FAT4: variants seen among roughly 807,000 people sequenced by gnomAD.
FAT4 encodes FAT atypical cadherin 4, also known as protocadherin Fat 4.
In FAT4, 84 loss-of-function variants were observed where a neutral mutation model predicts 303.9. That is an observed-to-expected ratio of 0.28 (90% CI 0.23 to 0.33). The LOEUF (loss-of-function observed/expected upper bound fraction) is 0.33. Ranked by LOEUF, FAT4 falls within the 10% of genes least tolerant of loss-of-function variation. FAT4 has a pLI of 1.00. For synonymous variants in FAT4, 2,307 were observed against 2,298.8 expected (o/e 1.00, Z -0.10); for missense variants, 6,005 against 6,146.8 (o/e 0.98, Z 0.77).
At chr4:125,371,688 G>T (rs1733119252) in intron 2 of FAT4, among the ~76,000 whole-genome samples, 1 of 151,096 alleles carries the variant, frequency 6.6e-6, no homozygotes, top group African/African-American at 2.4e-5. Context: ...TGTGGGGAGA[G>T]ATTGAATATC....
chr4:125,367,865 T>G lies in FAT4; in HGVS notation c.5176-30919T>G, dbSNP rs143946565. The stretch of plus-strand genomic sequence containing the variant: ...TTTTGCCAACTAACTTACCATAGTT[T>G]TAATCAGGGAAAATGGTGAGTTCAT... On this transcript the variant is annotated intron_variant, in intron 2 of 17. Coordinates refer to ENST00000394329, the MANE Select transcript of FAT4 (RefSeq NM_001291303.3). 1.6e-3 allele frequency among the ~76,000 whole-genome samples: 236 copies of G among 152,240 alleles called. 1 individual carries two copies. Among genetic ancestry groups the G allele is most frequent in the African/African-American group, 5.2e-3 (216 of 41,546 alleles).
chr4:125,396,951 TATATATATATATATA>T (rs1734206276), intron 2 of FAT4, among the ~76,000 whole-genome samples: 2 of 107,620 alleles, frequency 1.9e-5, no homozygotes, highest in Non-Finnish European at 2.1e-5. Flanking sequence ...TATATATATA[TATATATATATATATA>T]AAATATGTAT....
chr4:125,432,265 G>C (rs1725308405), intron 7 of FAT4, among the ~76,000 whole-genome samples: 1 of 152,054 alleles, frequency 6.6e-6, no homozygotes, highest in South Asian at 2.1e-4. Context: ...GCTTTACATG[G>C]GTCACATCTC....
intron 17 of FAT4, among the ~76,000 whole-genome samples, chr4:125,488,807 A>G (rs758888499): frequency 7.2e-5 from 11 of 152,194 alleles, no homozygotes; most frequent in Non-Finnish European, 1.2e-4. Flanking sequence ...AGGTAACTGA[A>G]GTACTGGACA....
At chr4:125,424,777 A>G (rs1560814484) in intron 7 of FAT4, among the ~76,000 whole-genome samples, 1 of 152,196 alleles carries the variant, frequency 6.6e-6, no homozygotes, top group Non-Finnish European at 1.5e-5. Context: ...GTGTTATGAA[A>G]CATGATGCGG....
At chr4:125,369,304 G>T (rs1013973810) in intron 2 of FAT4, among the ~76,000 whole-genome samples, 5 of 152,006 alleles carry the variant, frequency 3.3e-5, no homozygotes, top group Non-Finnish European at 7.4e-5. Context: ...GTAATGGCGC[G>T]TGCATTAATA....
In FAT4 at chr4:125,316,960, G is replaced by T. The variant is rs1730631557; in HGVS notation, c.549G>T (p.Gly183=). 1 of 1,613,940 alleles carries T rather than the reference G, an allele frequency of 6.2e-7. No homozygotes were observed. The highest frequency in any genetic ancestry group is 1.3e-5 in the African/African-American group (1 of 75,076). Residue 183 remains glycine, a synonymous_variant, in exon 2 of 18, where the codon GGG becomes GGT. Coordinates refer to ENST00000394329, the MANE Select transcript of FAT4 (RefSeq NM_001291303.3). The surrounding 1 kb of genome is among the most constrained non-coding windows in gnomAD (Gnocchi z 5.7). Reference sequence around the variant, plus strand: ...GCATCATCCGCGGCAATGAGGCGGGGCGCTTCCGTCTGGACATCACCCTGA... The same window carrying T: ...GCATCATCCGCGGCAATGAGGCGGGTCGCTTCCGTCTGGACATCACCCTGA... ...SYRIIRGNEA[G]RFRLDITLNP...
chr4:125,359,057 C>A (rs954797669), intron 2 of FAT4, among the ~76,000 whole-genome samples: 3 of 152,104 alleles, frequency 2.0e-5, no homozygotes, highest in African/African-American at 7.2e-5. Context: ...TATGATCAGA[C>A]TTAGTGGACA....
chr4:125,398,280 A>G (rs12504461), intron 2 of FAT4, among the ~76,000 whole-genome samples: 1,947 of 152,286 alleles, frequency 0.013, 149 homozygotes, highest in Admixed American at 0.12. Context: ...TTTTCTTCCC[A>G]TTAAAGGTTG....
At chr4:125,486,934 G>C (rs990485693) in intron 16 of FAT4, among the ~76,000 whole-genome samples, 1 of 151,962 alleles carries the variant, frequency 6.6e-6, no homozygotes, top group Non-Finnish European at 1.5e-5. Context: ...TTTTGCAAGT[G>C]GTTTTCACAA....
At chr4:125,374,826 T>C (rs1733252317) in intron 2 of FAT4, among the ~76,000 whole-genome samples, 1 of 152,114 alleles carries the variant, frequency 6.6e-6, no homozygotes, top group Admixed American at 6.6e-5. Flanking sequence ...TCCAGAATAA[T>C]TAAGTATTCA....
chr4:125,318,821 G>T lies in FAT4; in HGVS notation c.2410G>T (p.Glu804Ter). Reference sequence around the variant, plus strand: ...GGTTGCCTACAGCTTTGTGGTTTTTGAGAACGTGGCGCTGGGATATCATGT... The same window carrying T: ...GGTTGCCTACAGCTTTGTGGTTTTTTAGAACGTGGCGCTGGGATATCATGT... The part of the protein sequence containing the change: ...SQVAYSFVVF[E>*]NVALGYHVGS... Residue 804 changes from glutamate to a stop codon, truncating the protein, a stop_gained, in exon 2 of 18, where the codon GAG (glutamate) becomes TAG (stop). Coordinates refer to ENST00000394329, the MANE Select transcript of FAT4 (RefSeq NM_001291303.3). LOFTEE classifies it high-confidence loss of function. The T allele has an allele frequency of 6.2e-7, 1 of 1,614,136 alleles. No homozygotes were observed. The highest frequency in any genetic ancestry group is 8.5e-7 in the Non-Finnish European group (1 of 1,180,028).
intron 2 of FAT4, among the ~76,000 whole-genome samples, chr4:125,368,159 C>T (rs1732957726): frequency 1.3e-5 from 2 of 152,074 alleles, no homozygotes; most frequent in Admixed American, 1.3e-4. Flanking sequence ...TGGCCTTTCA[C>T]TGTGGCAGAA....
In FAT4 at chr4:125,450,015, C is replaced by T. The variant is rs1435573726; in HGVS notation, c.9005C>T (p.Thr3002Met). The T allele has an allele frequency of 8.7e-6, 14 of 1,613,698 alleles. No homozygotes were observed. Among genetic ancestry groups the T allele is most frequent in the Middle Eastern group, 1.7e-4 (1 of 6,060 alleles). ...GTCACCAAAAATGTTAAGGTTGGTA[C>T]GAAGTTAATCAGAGTTACAGCAATA... ...TPVTKNVKVG[T>M]KLIRVTAIDD... The change falls in exon 10 of 18, where the codon ACG (threonine) becomes ATG (methionine). Residue 3002 changes from threonine (T) to methionine (M), a missense_variant. Physicochemically the swap from Thr to Met is moderately conservative, Grantham distance 81. Transcript: ENST00000394329.
intron 2 of FAT4, among the ~76,000 whole-genome samples, chr4:125,360,157 C>A (rs561057087): frequency 6.6e-6 from 1 of 152,206 alleles, no homozygotes; most frequent in East Asian, 1.9e-4. Flanking sequence ...AGCTCTCATG[C>A]CCCTTCGCAA....
intron 2 of FAT4, among the ~76,000 whole-genome samples, chr4:125,356,542 G>GTTTTTTTTTT (rs1230221758): frequency 3.0e-5 from 3 of 98,472 alleles, no homozygotes; most frequent in African/African-American, 1.1e-4. Flanking sequence ...AGGGTGTTTT[G>GTTTTTTTTTT]TTTTTTGTTT....
intron 2 of FAT4, among the ~76,000 whole-genome samples, chr4:125,349,224 A>C (rs1732126912): frequency 6.6e-6 from 1 of 151,824 alleles, no homozygotes; most frequent in Admixed American, 6.6e-5. Context: ...CAGTATATTA[A>C]AACAATGGCT....
chr4:125,419,154 T>C (rs1184957307), intron 7 of FAT4, among the ~76,000 whole-genome samples: 2 of 152,212 alleles, frequency 1.3e-5, no homozygotes, highest in African/African-American at 2.4e-5. Flanking sequence ...ATATGAAAGT[T>C]TATTGATCAA....
chr4:125,384,291 CAT>C (rs1320767522), intron 2 of FAT4, among the ~76,000 whole-genome samples: 3 of 152,160 alleles, frequency 2.0e-5, no homozygotes, highest in Admixed American at 6.5e-5. Context: ...TCACCAACAA[CAT>C]ATGAGTGTTT....
Sources: gnomAD v4.1 joint callset for allele counts (sites outside exome capture counted in the v4.1 genomes callset) on GRCh38, gnomAD v4.1.1 for gene constraint, Gnocchi (gnomAD v3.1) non-coding constraint, MANE v1.5 for transcripts, NCBI Gene and HGNC (gene_info 2026-07-23, HGNC 2026-07-21) for gene names.